SETDB2: variants seen among roughly 807,000 people sequenced by gnomAD.
SETDB2 encodes the protein histone-lysine N-methyltransferase SETDB2.
SETDB2 carries 56 observed loss-of-function variants against 82.5 expected under a neutral mutation model. That is an observed-to-expected ratio of 0.68 (90% CI 0.55 to 0.85). SETDB2 has a LOEUF of 0.85. Ranked by LOEUF, SETDB2 falls within the 40% of genes least tolerant of loss-of-function variation. The pLI is 0.00. For missense variants in SETDB2, 677 were observed against 816.4 expected, an observed-to-expected ratio of 0.83 and a Z score of 2.08; for synonymous variants, 272 against 284.9, an observed-to-expected ratio of 0.95 and a Z score of 0.46.
In SETDB2 at chr13:49,492,922, A is replaced by G. The variant is rs1958739814; in HGVS notation, c.*1073A>G. 6.6e-6 allele frequency: 1 copy of G among 152,106 alleles called. No homozygotes were observed. Among genetic ancestry groups the G allele is most frequent in the Non-Finnish European group, 1.5e-5 (1 of 68,048 alleles). 9.4% of individuals were successfully genotyped at this position (152,106 alleles called of 1,614,324 possible). A position where few individuals can be genotyped will look rare whatever the true frequency, so the allele number is the denominator to read the frequency against. On this transcript the variant is annotated 3_prime_UTR_variant, in exon 14 of 14. Transcript: ENST00000611815. ...CAATGAGACATAATTTCACCATAGT[A>G]CTTCCAGCCTGGGCAATAGAGCAAG...
chr13:49,467,809 T>C lies in SETDB2; in HGVS notation c.209-55T>C, dbSNP rs527692900. On this transcript the variant is annotated intron_variant, in intron 4 of 13. Transcript: ENST00000611815. ...AATGAACATATTACTTGGGTACTTATAGCAAATGGTTTTTAACTTGGTATA... is the reference window on the plus strand; with the variant it reads ...AATGAACATATTACTTGGGTACTTACAGCAAATGGTTTTTAACTTGGTATA... 76 of 1,363,026 alleles carry C rather than the reference T, an allele frequency of 5.6e-5. No homozygotes were observed. The African/African-American group carries it at 5.7e-4, about 10-fold the overall frequency. 84.4% of individuals were successfully genotyped at this position (1,363,026 alleles called of 1,614,324 possible). A position where few individuals can be genotyped will look rare whatever the true frequency, so the allele number is the denominator to read the frequency against.
At position 49,482,739 on chromosome 13, in the gene SETDB2, A is replaced by G; in HGVS notation, c.1159A>G (p.Arg387Gly). Residue 387 changes from arginine to glycine, a missense_variant and splice_region_variant, in exon 9 of 14, where the codon AGA becomes GGA. Around this residue, in one of 3 missense-constraint regions of SETDB2, gnomAD observed 420 missense variants for 554.6 expected, o/e 0.76. Coordinates refer to ENST00000611815, the MANE Select transcript of SETDB2 (RefSeq NM_001160308.3). The stretch of plus-strand genomic sequence containing the variant: ...ACTCTTTAACATTTTCCTTTTAGGA[A>G]GATTACTAAGCAGAGCTAACACTGA... ...RGTFVCIYSGRLLSRANTEKS... is the reference protein window; with the variant it reads ...RGTFVCIYSGGLLSRANTEKS... The G allele has an allele frequency of 6.3e-7, 1 of 1,597,464 alleles. No individual in the cohort carries two copies. Among genetic ancestry groups the G allele is most frequent in the Non-Finnish European group, 8.6e-7 (1 of 1,168,580 alleles).
chr13:49,481,484 C>G (rs1236846149), intron 8 of SETDB2, among the ~76,000 whole-genome samples: 2 of 151,510 alleles, frequency 1.3e-5, no homozygotes, highest in Non-Finnish European at 2.9e-5. Context: ...GATGACCAGT[C>G]AAAAACTTTC....
intron 6 of SETDB2, 66 bp downstream of exon 6, chr13:49,477,105 T>C: frequency 7.3e-7 from 1 of 1,374,078 alleles, no homozygotes; most frequent in Non-Finnish European, 9.8e-7. Context: ...TAAGAAGTCT[T>C]GCTATGTATT....
intron 2 of SETDB2, among the ~76,000 whole-genome samples, chr13:49,454,865 C>T (rs1304212977): frequency 6.6e-6 from 1 of 151,832 alleles, no homozygotes; most frequent in African/African-American, 2.4e-5. Flanking sequence ...CAGTGGTTCT[C>T]AATTTTTTTT....
chr13:49,461,636 C>T (rs925619865), intron 4 of SETDB2, among the ~76,000 whole-genome samples: 25 of 152,298 alleles, frequency 1.6e-4, no homozygotes, highest in African/African-American at 6.0e-4. Flanking sequence ...TCTCTTCTCA[C>T]AAAGCTTCTG....
intron 7 of SETDB2, 86 bp from the exon 8 acceptor site, chr13:49,480,861 C>T: frequency 1.4e-6 from 2 of 1,404,120 alleles, no homozygotes; most frequent in Non-Finnish European, 2.0e-6. Flanking sequence ...TAGCCTGCTT[C>T]CCTCAGTAGT....
chr13:49,449,678 G>T (rs1012893990), intron 1 of SETDB2, among the ~76,000 whole-genome samples: 1 of 152,224 alleles, frequency 6.6e-6, no homozygotes, highest in East Asian at 1.9e-4. Context: ...GAAGAAGTTA[G>T]CATGCTTCTA....
At chr13:49,447,433 G>A (rs984044687) in intron 1 of SETDB2, among the ~76,000 whole-genome samples, 7 of 152,126 alleles carry the variant, frequency 4.6e-5, no homozygotes, top group African/African-American at 1.7e-4. Flanking sequence ...AACAGTGATA[G>A]CAACTGTCTT....
intron 1 of SETDB2, among the ~76,000 whole-genome samples, chr13:49,449,870 A>G (rs1566152470): frequency 6.6e-6 from 1 of 152,092 alleles, no homozygotes; most frequent in Admixed American, 6.5e-5. Context: ...GTGCTTTCTT[A>G]TAGGTTCATT....
intron 4 of SETDB2, among the ~76,000 whole-genome samples, chr13:49,463,166 C>T (rs1019652866): frequency 4.4e-5 from 4 of 90,094 alleles, no homozygotes; most frequent in Non-Finnish European, 6.4e-5. Flanking sequence ...CCGCCACACC[C>T]GGTGATTTTT....
intron 5 of SETDB2, among the ~76,000 whole-genome samples, chr13:49,471,303 A>G (rs1343372381): frequency 6.6e-6 from 1 of 151,950 alleles, no homozygotes; most frequent in African/African-American, 2.4e-5. Flanking sequence ...GTTGAACTGA[A>G]TTTCTACTCC....
intron 5 of SETDB2, among the ~76,000 whole-genome samples, chr13:49,470,420 C>G (rs532675928): frequency 6.6e-6 from 1 of 152,316 alleles, no homozygotes; most frequent in East Asian, 1.9e-4. Flanking sequence ...TATATTTCCT[C>G]TGCAGGCCAG....
Position 49,485,454 on chromosome 13 carries a change from G to A in SETDB2, c.1483-176G>A, listed in dbSNP as rs549355259. On this transcript the variant is annotated intron_variant, in intron 10 of 13. Transcript: ENST00000611815. ...CTAGAAGTAGAACAGAGTCAAAGGG[G>A]ATGACACTTGTTGACTCCATTAGTC... Among the ~76,000 whole-genome samples, 3 of 152,274 alleles carry A rather than the reference G, an allele frequency of 2.0e-5. No individual in the cohort carries two copies. In the South Asian group the frequency reaches 6.2e-4, roughly 32 times the overall value.
intron 2 of SETDB2, among the ~76,000 whole-genome samples, chr13:49,459,714 G>A (rs910605269): frequency 1.3e-5 from 2 of 152,052 alleles, no homozygotes; most frequent in Admixed American, 6.6e-5. Flanking sequence ...TGGACATTTA[G>A]TTATTTCAGC....
chr13:49,448,345 AT>A (rs1176180431), intron 1 of SETDB2, among the ~76,000 whole-genome samples: 1 of 152,060 alleles, frequency 6.6e-6, no homozygotes, highest in East Asian at 1.9e-4. Flanking sequence ...GTTATTATTT[AT>A]TTTGTTGCTT....
At chr13:49,455,441 T>C (rs1957864975) in intron 2 of SETDB2, among the ~76,000 whole-genome samples, 1 of 152,188 alleles carries the variant, frequency 6.6e-6, no homozygotes, top group South Asian at 2.1e-4. Flanking sequence ...TTTACATGTA[T>C]TGACCACTTG....
Position 49,488,332 on chromosome 13 carries a change from T to C in SETDB2, c.1619T>C (p.Leu540Pro), listed in dbSNP as rs755450446. The C allele has an allele frequency of 6.2e-7, 1 of 1,601,518 alleles. No homozygotes were observed. Among genetic ancestry groups the C allele is most frequent in the South Asian group, 1.1e-5 (1 of 87,842 alleles). ...SNHVDEFEDN[L>P]LIESDVIDIT... ...CATGTTGATGAGTTTGAAGATAATC[T>C]GCTGATTGAATCAGATGTGATAGAT... The change falls in exon 12 of 14, where the codon CTG (leucine) becomes CCG (proline). Residue 540 changes from leucine (L) to proline (P), a missense_variant. Leu to Pro is a moderately conservative substitution (Grantham distance 98). Coordinates refer to ENST00000611815, the MANE Select transcript of SETDB2 (RefSeq NM_001160308.3).
chr13:49,477,500 G>GA lies in SETDB2; in HGVS notation c.869+469dup, dbSNP rs1376303533. ...AAATGAACTCTGTCACTAGCAGTAG[G>GA]AAAAAAAACCTCTAATTATTTGCCA... is the stretch of plus-strand genomic sequence containing the variant. On this transcript the variant is annotated intron_variant, in intron 6 of 13. Coordinates refer to ENST00000611815, the MANE Select transcript of SETDB2 (RefSeq NM_001160308.3). 2.6e-4 allele frequency among the ~76,000 whole-genome samples: 40 copies of GA among 151,796 alleles called. No individual in the cohort carries two copies. The East Asian group carries it at 7.0e-3, about 26-fold the overall frequency.
Sources: gnomAD v4.1 joint callset for allele counts (sites outside exome capture counted in the v4.1 genomes callset) on GRCh38, gnomAD v4.1.1 for gene constraint, gnomAD v4.1.1 regional missense constraint, MANE v1.5 for transcripts, NCBI Gene and HGNC (gene_info 2026-07-23, HGNC 2026-07-21) for gene names.